Variants in IL21R observed in about 807,000 individuals in gnomAD.
The protein encoded by IL21R is interleukin-21 receptor.
A neutral mutation model predicts 41.3 loss-of-function variants in IL21R; 14 were observed. The observed-to-expected ratio is 0.34, with a 90% confidence interval of 0.22 to 0.53. The LOEUF (loss-of-function observed/expected upper bound fraction) is 0.53, where lower values mean the gene tolerates loss of function less well. Among genes scored for constraint, IL21R ranks in the 20% least tolerant of loss-of-function variants. IL21R has a pLI of 0.94. For missense variants in IL21R, 588 were observed against 681.6 expected (o/e 0.86, Z 1.53); for synonymous variants, 286 against 287.6 (o/e 0.99, Z 0.05).
chr16:27,448,320 T>G (rs2087521077), intron 8 of IL21R: 1 of 540,148 alleles, frequency 1.9e-6, no homozygotes, highest in African/African-American at 1.9e-5. Context: ...CCGGGTGTGG[T>G]GACAGGCGCC....
intron 4 of IL21R, among the ~76,000 whole-genome samples, chr16:27,440,470 G>C (rs1309837135): frequency 6.6e-6 from 1 of 151,894 alleles, no homozygotes; most frequent in East Asian, 1.9e-4. Flanking sequence ...CTGGGATCTT[G>C]CTGTGTTGTC....
intron 1 of IL21R, among the ~76,000 whole-genome samples, chr16:27,421,335 C>CAAA (rs35250936): frequency 0.028 from 2,348 of 83,928 alleles, 68 homozygotes; most frequent in East Asian, 0.043. Context: ...TCAATTTCTG[C>CAAA]AAAAAAAAAA....
chr16:27,436,217 G>A (rs997634067), intron 3 of IL21R, among the ~76,000 whole-genome samples: 1 of 152,210 alleles, frequency 6.6e-6, no homozygotes, highest in East Asian at 1.9e-4. Flanking sequence ...ATAAGCCACC[G>A]TGTTCTGCCC....
intron 1 of IL21R, among the ~76,000 whole-genome samples, chr16:27,421,497 T>A (rs2087001009): frequency 6.6e-6 from 1 of 152,086 alleles, no homozygotes; most frequent in African/African-American, 2.4e-5. Flanking sequence ...TTTATTTCAA[T>A]AACATTTGTA....
chr16:27,422,954 T>G (rs1336660398), intron 1 of IL21R, among the ~76,000 whole-genome samples: 3 of 152,234 alleles, frequency 2.0e-5, no homozygotes, highest in African/African-American at 7.2e-5. Context: ...TAATTTTTCC[T>G]TATTCCCAAG....
At chr16:27,404,797 T>G (rs2086712705) in intron 1 of IL21R, among the ~76,000 whole-genome samples, 1 of 152,178 alleles carries the variant, frequency 6.6e-6, no homozygotes, top group South Asian at 2.1e-4. Context: ...ACCTAACCTT[T>G]CTGCAGCTCA....
intron 1 of IL21R, among the ~76,000 whole-genome samples, chr16:27,419,031 A>G (rs2086954208): frequency 6.6e-6 from 1 of 152,030 alleles, no homozygotes; most frequent in Non-Finnish European, 1.5e-5. Flanking sequence ...CCTGGCCAAC[A>G]TGGTGAAAGC....
At chr16:27,414,576 T>C (rs1005569644) in intron 1 of IL21R, among the ~76,000 whole-genome samples, 2 of 152,092 alleles carry the variant, frequency 1.3e-5, no homozygotes, top group Admixed American at 6.5e-5. Context: ...AGCACTGATG[T>C]GTCTGGGATT....
intron 8 of IL21R, chr16:27,448,264 G>A: frequency 2.4e-6 from 1 of 416,926 alleles, no homozygotes; most frequent in South Asian, 3.4e-5. Context: ...AGATCAGTCT[G>A]GCCAACATGG....
At chr16:27,445,901 TG>T in intron 7 of IL21R, 105 bp from the exon 8 acceptor site, 1 of 803,876 alleles carries the variant, frequency 1.2e-6, no homozygotes. Context: ...GGCTGAGTCT[TG>T]GGATGCTCGG....
In IL21R at chr16:27,408,015, T is replaced by C. The variant is rs2086773957; in HGVS notation, c.-17+5397T>C. ...TCGTTTCCATAGAAAGCATTCTCTT[T>C]CATTTAGTCACTCATGTAGCAAATG... On this transcript the variant is annotated intron_variant, in intron 1 of 8. Transcript: ENST00000337929. 3.3e-5 allele frequency among the ~76,000 whole-genome samples: 5 copies of C among 152,354 alleles called. No individual in the cohort carries two copies. The South Asian group carries it at 1.0e-3, about 32-fold the overall frequency.
At chr16:27,410,379 G>A (rs1037866704) in intron 1 of IL21R, among the ~76,000 whole-genome samples, 3 of 150,798 alleles carry the variant, frequency 2.0e-5, no homozygotes, top group Non-Finnish European at 3.0e-5. Flanking sequence ...ATTTCTTCTC[G>A]GATATTTGAT....
intron 1 of IL21R, among the ~76,000 whole-genome samples, chr16:27,429,471 C>T (rs1362782890): frequency 6.6e-6 from 1 of 152,036 alleles, no homozygotes; most frequent in Non-Finnish European, 1.5e-5. Context: ...CAGTCTCCTC[C>T]CTCTTTAAAT....
chr16:27,409,640 G>A (rs1311612411), intron 1 of IL21R, among the ~76,000 whole-genome samples: 1 of 152,060 alleles, frequency 6.6e-6, no homozygotes, highest in African/African-American at 2.4e-5. Context: ...CCACTGCCTT[G>A]CACTGGTGAC....
At chr16:27,408,065 G>A (rs1347559624) in intron 1 of IL21R, among the ~76,000 whole-genome samples, 1 of 152,160 alleles carries the variant, frequency 6.6e-6, no homozygotes. Context: ...TGTAGGCACT[G>A]GTTAGTTACT....
At position 27,449,451 on chromosome 16, in the gene IL21R, CAT is replaced by C. The variant is rs1487235232; in HGVS notation, c.*171_*172del. 13 of 656,584 alleles carry C rather than the reference CAT, an allele frequency of 2.0e-5. No individual in the cohort carries two copies. Among genetic ancestry groups the C allele is most frequent in the African/African-American group, 1.4e-4 (7 of 50,820 alleles). The allele number at this position is 656,584 out of a possible 1,614,324, so 40.7% of individuals were successfully genotyped here. ...GTGTGTGTGCATATGTGTGTGTGTGCATATGCATGTGTGTGTGTGTGTGTGTC... is the reference window on the plus strand; with the variant it reads ...GTGTGTGTGCATATGTGTGTGTGTGCATGCATGTGTGTGTGTGTGTGTGTC... On this transcript the variant is annotated 3_prime_UTR_variant, in exon 9 of 9. Coordinates refer to ENST00000337929, the MANE Select transcript of IL21R (RefSeq NM_181078.3).
rs990947979 is a variant in IL21R, at chr16:27,440,293, C to T, written c.352+2606C>T. ...GAGAGAGAGAGAGCGAGCAAGCGCGCGCCAGGGTGTAGCTTTGTCCTCCAG... is the reference window on the plus strand; with the variant it reads ...GAGAGAGAGAGAGCGAGCAAGCGCGTGCCAGGGTGTAGCTTTGTCCTCCAG... On this transcript the variant is annotated intron_variant, in intron 4 of 8. Coordinates refer to ENST00000337929, the MANE Select transcript of IL21R (RefSeq NM_181078.3). Among the ~76,000 whole-genome samples, 68 of 137,948 alleles carry T rather than the reference C, an allele frequency of 4.9e-4. 1 individual carries two copies. Among genetic ancestry groups the T allele is most frequent in the Non-Finnish European group, 8.1e-4 (52 of 64,164 alleles). The allele number at this position is 137,948 out of a possible 152,430, so 90.5% of individuals were successfully genotyped here.
In IL21R at chr16:27,443,132, A is replaced by G. The variant is rs771022312; in HGVS notation, c.507+16A>G. 2 of 1,602,560 alleles carry G rather than the reference A, an allele frequency of 1.2e-6. No individual in the cohort carries two copies. The highest frequency in any genetic ancestry group is 2.7e-5 in the African/African-American group (2 of 74,528). On this transcript the variant is annotated intron_variant, in intron 5 of 8. Coordinates refer to ENST00000337929, the MANE Select transcript of IL21R (RefSeq NM_181078.3). The stretch of plus-strand genomic sequence containing the variant: ...CTGGGCTGTGGTGAGGAATGTGGGG[A>G]TCAGTGCAGCTTTGTGGGAGGGGAG...
At chr16:27,413,487 T>C (rs1050070209) in intron 1 of IL21R, among the ~76,000 whole-genome samples, 1 of 152,106 alleles carries the variant, frequency 6.6e-6, no homozygotes, top group Admixed American at 6.5e-5. Context: ...TGTTCCCTAC[T>C]GTTCAATTTT....
Sources: allele counts gnomAD v4.1 joint callset (sites outside exome capture counted in the v4.1 genomes callset), GRCh38; gene constraint gnomAD v4.1.1; transcripts MANE v1.5; gene names NCBI Gene and HGNC (gene_info 2026-07-23, HGNC 2026-07-21).